Variants in CDKAL1 observed in about 807,000 individuals in gnomAD.
The protein encoded by CDKAL1 is CDKAL1 threonylcarbamoyladenosine tRNA methylthiotransferase, also known as threonylcarbamoyladenosine tRNA methylthiotransferase.
In CDKAL1, 32 loss-of-function variants were observed where a neutral mutation model predicts 68.2. The ratio of observed to expected loss-of-function variants is 0.47; its 90% CI spans 0.35 to 0.63. CDKAL1 has a LOEUF of 0.63. Among genes scored for constraint, CDKAL1 ranks in the 30% least tolerant of loss-of-function variants. CDKAL1 has a pLI of 0.00. For missense variants in CDKAL1, 606 were observed against 696.7 expected (o/e 0.87, Z 1.47); for synonymous variants, 234 against 244.3 (o/e 0.96, Z 0.39).
intron 4 of CDKAL1, among the ~76,000 whole-genome samples, chr6:20,596,224 C>G (rs191363938): frequency 1.3e-5 from 2 of 152,298 alleles, no homozygotes; most frequent in East Asian, 3.9e-4. Context: ...TCAGAGCCGG[C>G]AGGCAGGAAT....
At chr6:20,806,729 A>G (rs1776588528) in intron 8 of CDKAL1, among the ~76,000 whole-genome samples, 1 of 152,120 alleles carries the variant, frequency 6.6e-6, no homozygotes, top group Non-Finnish European at 1.5e-5. Flanking sequence ...GTACTATTCA[A>G]TTGTTGTTTA....
intron 8 of CDKAL1, among the ~76,000 whole-genome samples, chr6:20,790,221 A>AAAGT (rs1775839639): frequency 6.6e-6 from 1 of 152,222 alleles, no homozygotes. Flanking sequence ...ACAAAACAAT[A>AAAGT]AAGTTATAAG....
chr6:20,887,720 T>G (rs1761149936), intron 9 of CDKAL1, among the ~76,000 whole-genome samples: 1 of 102,618 alleles, frequency 9.7e-6, no homozygotes, highest in South Asian at 2.9e-4. Flanking sequence ...TTAGAGTAGT[T>G]TGGGCTACAC....
At chr6:20,734,299 AAT>A (rs1773090122) in intron 5 of CDKAL1, among the ~76,000 whole-genome samples, 1 of 152,112 alleles carries the variant, frequency 6.6e-6, no homozygotes, top group Admixed American at 6.5e-5. Flanking sequence ...TTTATTTAGA[AAT>A]ATGTTTCAAG....
intron 10 of CDKAL1, among the ~76,000 whole-genome samples, chr6:20,996,383 G>T (rs1247542036): frequency 6.6e-6 from 1 of 152,170 alleles, no homozygotes; most frequent in African/African-American, 2.4e-5. Flanking sequence ...CCCCACTAAG[G>T]TTAATGCCTT....
At chr6:21,021,080 A>G (rs1056783397) in intron 11 of CDKAL1, among the ~76,000 whole-genome samples, 3 of 152,204 alleles carry the variant, frequency 2.0e-5, no homozygotes, top group African/African-American at 7.2e-5. Flanking sequence ...CACAATACTG[A>G]TGATAGAAAA....
At chr6:21,147,109 A>C (rs999157673) in intron 13 of CDKAL1, among the ~76,000 whole-genome samples, 1 of 152,148 alleles carries the variant, frequency 6.6e-6, no homozygotes, top group Non-Finnish European at 1.5e-5. Flanking sequence ...CCTAGAACCT[A>C]CGGTCCAACA....
chr6:20,913,428 A>G (rs895339424), intron 9 of CDKAL1, among the ~76,000 whole-genome samples: 5 of 152,168 alleles, frequency 3.3e-5, no homozygotes, highest in African/African-American at 1.2e-4. Context: ...GGGCCTCTCC[A>G]ATATGGCAGC....
intron 7 of CDKAL1, among the ~76,000 whole-genome samples, chr6:20,760,381 C>T (rs6910326): frequency 0.56 from 85,175 of 152,042 alleles, 24,266 homozygotes; most frequent in East Asian, 0.8. Context: ...CAACTCCGTC[C>T]TGGAGAATCC....
In CDKAL1 at chr6:21,192,031, T is replaced by TTTTTTTC. The variant is rs1562104946; in HGVS notation, c.1300-5989_1300-5988insTTTTTCT. Reference sequence around the variant, plus strand: ...TTTTTTTTTTTTTTTTTTTTTTTTTTTGAGACGGAGTCTCGCTCTGTCGCC... The same window carrying TTTTTTTC: ...TTTTTTTTTTTTTTTTTTTTTTTTTTTTTTTTCTGAGACGGAGTCTCGCTCTGTCGCC... On this transcript the variant is annotated intron_variant, in intron 13 of 15. Coordinates refer to ENST00000274695, the MANE Select transcript of CDKAL1 (RefSeq NM_017774.3). Among the ~76,000 whole-genome samples the TTTTTTTC allele has an allele frequency of 1.5e-4, 17 of 116,100 alleles. 2 individuals carry two copies. The highest frequency in any genetic ancestry group is 5.3e-4 in the African/African-American group (15 of 28,508). The allele number at this position is 116,100 out of a possible 152,430, so 76.2% of individuals were successfully genotyped here. A position where few individuals can be genotyped will look rare whatever the true frequency, so the allele number is the denominator to read the frequency against.
At position 20,968,153 on chromosome 6, in the gene CDKAL1, G is replaced by C. The variant is rs180705773; in HGVS notation, c.909+12568G>C. ...TTGATTAATGTTCTTTTTTGTTCTGGGTTTTTTTTTTTGTTTTTTTTTTGG... is the reference window on the plus strand; with the variant it reads ...TTGATTAATGTTCTTTTTTGTTCTGCGTTTTTTTTTTTGTTTTTTTTTTGG... On this transcript the variant is annotated intron_variant, in intron 10 of 15. Transcript: ENST00000274695. Among the ~76,000 whole-genome samples the C allele has an allele frequency of 2.7e-5, 4 of 149,736 alleles. No homozygotes were observed. In the Admixed American group the frequency reaches 2.7e-4, roughly 10 times the overall value.
chr6:21,181,668 T>C (rs1018114752), intron 13 of CDKAL1, among the ~76,000 whole-genome samples: 1 of 152,216 alleles, frequency 6.6e-6, no homozygotes, highest in Non-Finnish European at 1.5e-5. Context: ...ATTTTACATG[T>C]TGATGTTAAA....
rs572591764 is a variant in CDKAL1 at position 20,885,823 on chromosome 6, T to C, written c.742+39645T>C. Reference sequence around the variant, plus strand: ...TCAGCCTGATGCAATGACTCACACCTGTAATCCTAGCACTTTGGGAGGCCG... The same window carrying C: ...TCAGCCTGATGCAATGACTCACACCCGTAATCCTAGCACTTTGGGAGGCCG... On this transcript the variant is annotated intron_variant, in intron 9 of 15. Coordinates refer to ENST00000274695, the MANE Select transcript of CDKAL1 (RefSeq NM_017774.3). Among the ~76,000 whole-genome samples the C allele has an allele frequency of 8.7e-4, 133 of 152,316 alleles. 1 individual carries two copies. Among genetic ancestry groups the C allele is most frequent in the Non-Finnish European group, 1.6e-3 (110 of 68,024 alleles).
intron 9 of CDKAL1, among the ~76,000 whole-genome samples, chr6:20,933,946 A>G (rs1287477170): frequency 6.7e-6 from 1 of 149,620 alleles, no homozygotes; most frequent in Non-Finnish European, 1.5e-5. Flanking sequence ...TTTAAATAGT[A>G]AAAGGTTATG....
intron 12 of CDKAL1, among the ~76,000 whole-genome samples, chr6:21,088,593 T>C: frequency 6.6e-6 from 1 of 152,218 alleles, no homozygotes; most frequent in East Asian, 1.9e-4. Context: ...AATACTTGGC[T>C]TCACAGCACT....
At chr6:20,954,409 T>G (rs888201402) in intron 9 of CDKAL1, among the ~76,000 whole-genome samples, 4 of 152,228 alleles carry the variant, frequency 2.6e-5, no homozygotes, top group Non-Finnish European at 5.9e-5. Flanking sequence ...ACTTATACTT[T>G]GGTTCAGGCT....
chr6:20,939,506 G>C (rs1581872051), intron 9 of CDKAL1, among the ~76,000 whole-genome samples: 1 of 152,154 alleles, frequency 6.6e-6, no homozygotes, highest in East Asian at 1.9e-4. Flanking sequence ...AAGAGATTTG[G>C]CAGACTTAAT....
At chr6:20,652,659 C>T (rs1768827161) in intron 5 of CDKAL1, among the ~76,000 whole-genome samples, 1 of 152,178 alleles carries the variant, frequency 6.6e-6, no homozygotes, top group Non-Finnish European at 1.5e-5. Flanking sequence ...CCCAGCCAGA[C>T]TTTTAAAAAT....
At chr6:20,558,597 A>C in intron 4 of CDKAL1, 1 of 456,728 alleles carries the variant, frequency 2.2e-6, no homozygotes, top group Non-Finnish European at 4.4e-6. Flanking sequence ...AGCCTGGGCC[A>C]GGAAAAATCA....
Sources: allele counts gnomAD v4.1 joint callset (sites outside exome capture counted in the v4.1 genomes callset), GRCh38; gene constraint gnomAD v4.1.1; transcripts MANE v1.5; gene names NCBI Gene and HGNC (gene_info 2026-07-23, HGNC 2026-07-21).